The following SHC2 variants were observed in gnomAD, a reference collection of about 807,000 sequenced individuals.
SHC2 encodes SHC-transforming protein 2.
Under a neutral mutation model 60.6 loss-of-function variants are expected in SHC2, and 62 were observed. The observed-to-expected ratio is 1.02, with a 90% CI of 0.83 to 1.26. The LOEUF is 1.26. Among genes scored for constraint, SHC2 ranks in the 50% most tolerant of loss-of-function variants. The pLI is 0.00. For missense variants in SHC2, 873 were observed against 822.2 expected (o/e 1.06, Z -0.76); for synonymous variants, 375 against 372.4 (o/e 1.01, Z -0.08).
chr19:451,822 C>G (rs1049730075), intron 1 of SHC2, among the ~76,000 whole-genome samples: 1 of 152,190 alleles, frequency 6.6e-6, no homozygotes, highest in Non-Finnish European at 1.5e-5. Flanking sequence ...GTGTCGAACT[C>G]CTGACCTCAG....
chr19:435,160 G>T (rs979334485), intron 7 of SHC2, among the ~76,000 whole-genome samples: 1 of 152,254 alleles, frequency 6.6e-6, no homozygotes, highest in Non-Finnish European at 1.5e-5. Context: ...GCAGCAGAGG[G>T]CATGAGCCAA....
At chr19:418,817 C>T (rs1974208502) in intron 12 of SHC2, 106 bp downstream of exon 12, 1 of 1,322,118 alleles carries the variant, frequency 7.6e-7, no homozygotes, top group African/African-American at 1.5e-5. Flanking sequence ...TGAGTCGTGC[C>T]CTCTAGAGGG....
rs1383203461 is a variant in SHC2, at chr19:425,144, T to A, written c.1262A>T (p.Asp421Val). Residue 421 changes from aspartate (D) to valine (V), a missense_variant, in exon 10 of 13, where the codon GAC becomes GTC. Transcript: ENST00000264554. This position sits in a 1 kb window ranked among gnomAD's most constrained non-coding sequence, Gnocchi z 4.1. ...EHLYVNTQGL[D>V]APEPEDSPKK... ...GGGGCTGTCCTCCGGCTCGGGGGCG[T>A]CCAGACCCTGGGTGTTGACATACAG... The A allele has an allele frequency of 1.4e-6, 2 of 1,392,112 alleles. No homozygotes were observed. Among genetic ancestry groups the A allele is most frequent in the African/African-American group, 1.5e-5 (1 of 67,040 alleles). The allele number at this position is 1,392,112 out of a possible 1,614,324, so 86.2% of individuals were successfully genotyped here.
Position 453,524 on chromosome 19 carries a change from G to A in SHC2, c.468+7005C>T, listed in dbSNP as rs767012906. 9.9e-5 allele frequency among the ~76,000 whole-genome samples: 15 copies of A among 152,206 alleles called. No homozygotes were observed. The highest frequency in any genetic ancestry group is 3.4e-3 in the Middle Eastern group (1 of 292). On this transcript the variant is annotated intron_variant, in intron 1 of 12. Transcript: ENST00000264554. The surrounding 1 kb of genome is among the most constrained non-coding windows in gnomAD (Gnocchi z 6.3). ...TGGGCTCAAGTGATCCTGCCGCCTT[G>A]GTCTTCCAAAATGCTGGATTACAGG... is the stretch of plus-strand genomic sequence containing the variant.
intron 8 of SHC2, 145 bp from the exon 9 acceptor site, chr19:430,892 ACT>A (rs2145709343): frequency 1.4e-6 from 1 of 713,424 alleles, no homozygotes; most frequent in African/African-American, 1.8e-5. Flanking sequence ...TTGCTCTCTC[ACT>A]CTGTAACTAG....
At chr19:459,131 T>C (rs1326234031) in intron 1 of SHC2, among the ~76,000 whole-genome samples, 1 of 151,986 alleles carries the variant, frequency 6.6e-6, no homozygotes, top group African/African-American at 2.4e-5. Context: ...TATAAGGTAA[T>C]AAGGTCAGAC....
chr19:417,489 G>A (rs1974179575), intron 12 of SHC2, among the ~76,000 whole-genome samples, 167 bp from the exon 13 acceptor site: 1 of 152,198 alleles, frequency 6.6e-6, no homozygotes, highest in African/African-American at 2.4e-5. Context: ...CGGTGCAGGT[G>A]TCCTGAGTCC....
At chr19:439,929 G>A (rs1391670974) in intron 2 of SHC2, among the ~76,000 whole-genome samples, 1 of 151,602 alleles carries the variant, frequency 6.6e-6, no homozygotes, top group Non-Finnish European at 1.5e-5. Context: ...GGGAGGCTGA[G>A]GCAAGAGAAA....
At position 438,500 on chromosome 19, in the gene SHC2, G is replaced by A. The variant is rs530247716; in HGVS notation, c.720+218C>T. On this transcript the variant is annotated intron_variant, in intron 4 of 12. Coordinates refer to ENST00000264554, the MANE Select transcript of SHC2 (RefSeq NM_012435.3). The surrounding 1 kb of genome is among the most constrained non-coding windows in gnomAD (Gnocchi z 5.0). ...CCCCCACCCACTCCATGCCAGGAGC[G>A]CCCCTGTATCAGGACGGCTCGCCCA... Among the ~76,000 whole-genome samples, 16 of 152,298 alleles carry A rather than the reference G, an allele frequency of 1.1e-4. No homozygotes were observed. The highest frequency in any genetic ancestry group is 3.1e-4 in the African/African-American group (13 of 41,572).
In SHC2 at chr19:446,133, G is replaced by A. The variant is rs1045448737; in HGVS notation, c.469-5201C>T. 2.7e-4 allele frequency among the ~76,000 whole-genome samples: 41 copies of A among 151,900 alleles called. No individual in the cohort carries two copies. Among genetic ancestry groups the A allele is most frequent in the Admixed American group, 1.2e-3 (19 of 15,250 alleles). Reference sequence around the variant, plus strand: ...CAGAAGGGAGGGGCCGTGTGCAGCCGAGGACACCAAGGCCGGCCCCCAGGC... The same window carrying A: ...CAGAAGGGAGGGGCCGTGTGCAGCCAAGGACACCAAGGCCGGCCCCCAGGC... On this transcript the variant is annotated intron_variant, in intron 1 of 12. Coordinates refer to ENST00000264554, the MANE Select transcript of SHC2 (RefSeq NM_012435.3). The surrounding 1 kb of genome is among the most constrained non-coding windows in gnomAD (Gnocchi z 5.4).
chr19:448,144 C>A (rs1228941724), intron 1 of SHC2, among the ~76,000 whole-genome samples: 1 of 152,230 alleles, frequency 6.6e-6, no homozygotes. Context: ...TCCACGAGTC[C>A]CCGCAGATCT....
rs576740441 is a variant in SHC2 at position 422,076 on chromosome 19, G to A, written c.1620+70C>T. 29 of 1,066,128 alleles carry A rather than the reference G, an allele frequency of 2.7e-5. No individual in the cohort carries two copies. Among genetic ancestry groups the A allele is most frequent in the South Asian group, 1.9e-4 (11 of 59,406 alleles). 66.0% of individuals were successfully genotyped at this position (1,066,128 alleles called of 1,614,324 possible). On this transcript the variant is annotated intron_variant, in intron 11 of 12. Transcript: ENST00000264554. This position sits in a 1 kb window ranked among gnomAD's most constrained non-coding sequence, Gnocchi z 5.0. ...GCCCAGCGAAGCCCCTGGATGCCCC[G>A]AGACCCTCCCACCTGTGCCCAGCGA...
rs535012798 is a variant in SHC2 at position 446,131 on chromosome 19, C to T, written c.469-5199G>A. On this transcript the variant is annotated intron_variant, in intron 1 of 12. Coordinates refer to ENST00000264554, the MANE Select transcript of SHC2 (RefSeq NM_012435.3). The surrounding 1 kb of genome is among the most constrained non-coding windows in gnomAD (Gnocchi z 5.4). ...CACAGAAGGGAGGGGCCGTGTGCAG[C>T]CGAGGACACCAAGGCCGGCCCCCAG... 1.2e-3 allele frequency among the ~76,000 whole-genome samples: 177 copies of T among 152,028 alleles called. 1 individual carries two copies. The highest frequency in any genetic ancestry group is 4.0e-3 in the African/African-American group (164 of 41,476).
intron 1 of SHC2, among the ~76,000 whole-genome samples, chr19:456,655 C>T (rs75382157): frequency 0.02 from 2,995 of 152,294 alleles, 93 homozygotes; most frequent in African/African-American, 0.068. Flanking sequence ...CTTGCCGTGA[C>T]GCACACGCAC....
At chr19:437,256 T>TTGCGAGCTCATCTGCGTGCTCGTC (rs1974746591) in intron 4 of SHC2, among the ~76,000 whole-genome samples, 1 of 151,132 alleles carries the variant, frequency 6.6e-6, no homozygotes, top group Non-Finnish European at 1.5e-5. Flanking sequence ...GCGTGCTCGT[T>TTGCGAGCTCATCTGCGTGCTCGTC]TGCGTGCTCG....
At position 439,049 on chromosome 19, in the gene SHC2, G is replaced by A. The variant is rs1315093439; in HGVS notation, c.540-19C>T. 2.6e-6 allele frequency: 4 copies of A among 1,568,000 alleles called. No individual in the cohort carries two copies. The highest frequency in any genetic ancestry group is 1.4e-5 in the African/African-American group (1 of 73,386). On this transcript the variant is annotated intron_variant, in intron 2 of 12. Coordinates refer to ENST00000264554, the MANE Select transcript of SHC2 (RefSeq NM_012435.3). ...GGCTTCCCTGGGGTTGGGAGGAGGGGGCTTAGAGAGTGTGGTGGGGGTGGC... is the reference window on the plus strand; with the variant it reads ...GGCTTCCCTGGGGTTGGGAGGAGGGAGCTTAGAGAGTGTGGTGGGGGTGGC...
intron 4 of SHC2, 119 bp from the exon 5 acceptor site, chr19:436,802 C>T (rs1974734825): frequency 1.3e-5 from 13 of 1,011,888 alleles, no homozygotes; most frequent in South Asian, 3.0e-5. Context: ...GGGATGGAGA[C>T]GTCTCCTGGA....
chr19:447,006 CCTTCTAAATAAA>C (rs914870341), intron 1 of SHC2, among the ~76,000 whole-genome samples: 13 of 152,200 alleles, frequency 8.5e-5, no homozygotes, highest in African/African-American at 3.1e-4. Flanking sequence ...TTGGTATTTT[CCTTCTAAATAAA>C]CTCCACTTAC....
rs1043603911 is a variant in SHC2 at position 460,798 on chromosome 19, C to A, written c.199G>T (p.Ala67Ser). Residue 67 changes from alanine to serine, a missense_variant, in exon 1 of 13, where the codon GCG becomes TCG. Physicochemically the swap from Ala to Ser is moderately conservative, Grantham distance 99. Coordinates refer to ENST00000264554, the MANE Select transcript of SHC2 (RefSeq NM_012435.3). ...AGCGCCGGGACGCCCCCCGGGCCCGCCGGCTCGGGTTGGGGGTCCGCGCCC... is the reference window on the plus strand; with the variant it reads ...AGCGCCGGGACGCCCCCCGGGCCCGACGGCTCGGGTTGGGGGTCCGCGCCC... ...SGGADPQPEP[A>S]GPGGVPALAA... The A allele has an allele frequency of 1.0e-6, 1 of 979,008 alleles. No individual in the cohort carries two copies. Among genetic ancestry groups the A allele is most frequent in the Non-Finnish European group, 1.2e-6 (1 of 827,426 alleles). The allele number at this position is 979,008 out of a possible 1,614,324, so 60.6% of individuals were successfully genotyped here.
Sources: allele counts gnomAD v4.1 joint callset (sites outside exome capture counted in the v4.1 genomes callset), GRCh38; gene constraint gnomAD v4.1.1; non-coding constraint Gnocchi (gnomAD v3.1); transcripts MANE v1.5; gene names NCBI Gene and HGNC (gene_info 2026-07-23, HGNC 2026-07-21).